Variants in NAALADL2 observed in about 807,000 individuals in gnomAD.
NAALADL2 encodes N-acetylated alpha-linked acidic dipeptidase like 2.
Under a neutral mutation model 87.2 loss-of-function variants are expected in NAALADL2, and 76 were observed. The observed-to-expected ratio is 0.87, with a 90% confidence interval of 0.72 to 1.05. The LOEUF (loss-of-function observed/expected upper bound fraction) is 1.05. Among genes scored for constraint, NAALADL2 ranks in the 50% least tolerant of loss-of-function variants. NAALADL2 has a pLI of 0.00. For synonymous variants in NAALADL2, 354 were observed against 331.0 expected (o/e 1.07, Z -0.75); for missense variants, 1,089 against 945.8 (o/e 1.15, Z -1.99).
At chr3:174,498,729 A>G (rs73040509) in intron 1 of NAALADL2, among the ~76,000 whole-genome samples, 4,964 of 151,982 alleles carry the variant, frequency 0.033, 269 homozygotes, top group African/African-American at 0.11. Flanking sequence ...AGAGTTCTAC[A>G]TTCTTCACAT....
intron 9 of NAALADL2, among the ~76,000 whole-genome samples, chr3:175,507,188 T>A (rs961717397): frequency 3.3e-5 from 5 of 152,100 alleles, no homozygotes; most frequent in African/African-American, 1.2e-4. Context: ...CTCTGTTTCA[T>A]CCTCTCTTCT....
intron 2 of NAALADL2, among the ~76,000 whole-genome samples, chr3:174,586,479 GCGAC>G (rs1284034678): frequency 4.6e-5 from 7 of 152,190 alleles, no homozygotes; most frequent in Non-Finnish European, 1.0e-4. Context: ...CCCAGAACCA[GCGAC>G]GAGACCACAG....
chr3:175,008,873 C>T (rs1490644325), intron 1 of NAALADL2, among the ~76,000 whole-genome samples: 1 of 152,068 alleles, frequency 6.6e-6, no homozygotes, highest in Non-Finnish European at 1.5e-5. Context: ...ACCGAGTACC[C>T]TAAGTTCAGT....
chr3:175,483,348 C>A (rs1345871191), intron 9 of NAALADL2, among the ~76,000 whole-genome samples: 1 of 145,394 alleles, frequency 6.9e-6, no homozygotes, highest in Non-Finnish European at 1.5e-5. Context: ...TTTTAACTTT[C>A]CTTTTCTCCT....
chr3:175,326,217 A>G (rs1560365984), intron 5 of NAALADL2, among the ~76,000 whole-genome samples: 1 of 152,232 alleles, frequency 6.6e-6, no homozygotes, highest in Admixed American at 6.5e-5. Context: ...TGTAACAACG[A>G]TGTCCTTTAC....
chr3:174,657,536 A>G (rs142018041), intron 2 of NAALADL2, among the ~76,000 whole-genome samples: 139 of 152,224 alleles, frequency 9.1e-4, no homozygotes, highest in Non-Finnish European at 1.7e-3. Context: ...GAGATATCCC[A>G]TATGCCTGTG....
At chr3:175,789,392 T>G (rs1752508407) in intron 13 of NAALADL2, among the ~76,000 whole-genome samples, 2 of 152,228 alleles carry the variant, frequency 1.3e-5, no homozygotes, top group Admixed American at 1.3e-4. Flanking sequence ...TTCTATCATC[T>G]AACCATCACA....
chr3:174,670,492 T>G (rs1168843544), intron 2 of NAALADL2, among the ~76,000 whole-genome samples: 1 of 152,082 alleles, frequency 6.6e-6, no homozygotes, highest in Non-Finnish European at 1.5e-5. Context: ...TTTGTTTATT[T>G]TTTTCTTCCC....
chr3:175,776,805 G>A (rs982900035), intron 13 of NAALADL2, among the ~76,000 whole-genome samples: 1 of 152,016 alleles, frequency 6.6e-6, no homozygotes. Flanking sequence ...AGTTTATGAG[G>A]CACATATCTG....
intron 2 of NAALADL2, among the ~76,000 whole-genome samples, chr3:175,231,435 C>T (rs1744926212): frequency 6.6e-6 from 1 of 152,014 alleles, no homozygotes; most frequent in South Asian, 2.1e-4. Flanking sequence ...GAAGTAAAGA[C>T]TGTATACATT....
intron 1 of NAALADL2, among the ~76,000 whole-genome samples, chr3:175,085,454 C>CT (rs1454088795): frequency 2.0e-5 from 3 of 151,796 alleles, no homozygotes; most frequent in Admixed American, 6.6e-5. Flanking sequence ...GGTTATGCTC[C>CT]TTTTTTCTGC....
At chr3:174,720,928 G>A (rs756368076) in intron 2 of NAALADL2, among the ~76,000 whole-genome samples, 4 of 152,204 alleles carry the variant, frequency 2.6e-5, no homozygotes, top group Non-Finnish European at 4.4e-5. Context: ...GTGTGTTTCC[G>A]GTGCTTGACT....
intron 1 of NAALADL2, among the ~76,000 whole-genome samples, chr3:174,890,920 TG>T (rs542170763): frequency 5.9e-5 from 9 of 152,244 alleles, no homozygotes; most frequent in African/African-American, 1.9e-4. Context: ...ATTACTTAAT[TG>T]CTACTGTCTC....
At chr3:175,657,106 C>T (rs1030513411) in intron 11 of NAALADL2, among the ~76,000 whole-genome samples, 3 of 152,150 alleles carry the variant, frequency 2.0e-5, no homozygotes, top group African/African-American at 4.8e-5. Flanking sequence ...TTAAAGGTGA[C>T]TTCAGTCAAT....
chr3:175,460,169 G>A (rs1722899090), intron 6 of NAALADL2: 1 of 456,398 alleles, frequency 2.2e-6, no homozygotes, highest in African/African-American at 2.0e-5. Context: ...AATGCCAACA[G>A]CAGCAGGTGT....
chr3:175,338,026 C>A (rs905164455), intron 5 of NAALADL2, among the ~76,000 whole-genome samples: 14 of 152,260 alleles, frequency 9.2e-5, no homozygotes, highest in African/African-American at 3.4e-4. Context: ...ACAAACTGAA[C>A]TTTCACAGCT....
At chr3:175,376,297 A>G (rs549227689) in intron 5 of NAALADL2, among the ~76,000 whole-genome samples, 1 of 152,096 alleles carries the variant, frequency 6.6e-6, no homozygotes, top group Admixed American at 6.6e-5. Flanking sequence ...TCAGTGACTA[A>G]TTCTTTTTTT....
chr3:175,796,177 G>C (rs1319275649), intron 13 of NAALADL2, among the ~76,000 whole-genome samples: 1 of 151,804 alleles, frequency 6.6e-6, no homozygotes, highest in East Asian at 1.9e-4. Flanking sequence ...ACTGTGGGGA[G>C]GGGAAGGAGA....
chr3:174,687,365 T>A (rs944723133), intron 2 of NAALADL2, among the ~76,000 whole-genome samples: 1 of 152,130 alleles, frequency 6.6e-6, no homozygotes, highest in Non-Finnish European at 1.5e-5. Context: ...CCTCTTACCA[T>A]AATATGTTTT....
Sources: allele counts gnomAD v4.1 joint callset (sites outside exome capture counted in the v4.1 genomes callset), GRCh38; gene constraint gnomAD v4.1.1; transcripts MANE v1.5; gene names NCBI Gene and HGNC (gene_info 2026-07-23, HGNC 2026-07-21).